The following ABCC1 variants were observed in gnomAD, a reference collection of about 807,000 sequenced individuals.
ABCC1 encodes the protein ATP binding cassette subfamily C member 1 (ABCC1 blood group).
Under a neutral mutation model 172.9 loss-of-function variants are expected in ABCC1, and 83 were observed. That is an observed-to-expected ratio of 0.48 (90% CI 0.40 to 0.58). ABCC1 has a LOEUF of 0.58. ABCC1 is among the 20% of genes least tolerant of loss of function. The probability of loss-of-function intolerance (pLI) is 0.00; values close to 1 mark genes in which losing one functional copy is unlikely to be tolerated. For missense variants in ABCC1, 1,817 were observed against 2,002.7 expected (o/e 0.91, Z 1.77); for synonymous variants, 937 against 825.2 (o/e 1.14, Z -2.32).
At chr16:16,104,576 G>A (rs1702894541) in intron 20 of ABCC1, among the ~76,000 whole-genome samples, 1 of 152,204 alleles carries the variant, frequency 6.6e-6, no homozygotes, top group Non-Finnish European at 1.5e-5. Flanking sequence ...CTCCAAGTCA[G>A]CACCAGACTC....
chr16:16,062,339 T>TTTTCTTTC (rs1303322004), intron 12 of ABCC1, among the ~76,000 whole-genome samples: 1 of 152,066 alleles, frequency 6.6e-6, no homozygotes, highest in Non-Finnish European at 1.5e-5. Context: ...TTCTTCTCTT[T>TTTTCTTTC]TTTCTTTCTT....
chr16:15,961,654 C>T (rs1471436539), intron 1 of ABCC1, among the ~76,000 whole-genome samples: 1 of 152,144 alleles, frequency 6.6e-6, no homozygotes, highest in Non-Finnish European at 1.5e-5. Context: ...CATTTTTTCC[C>T]TCCCTAGTTG....
Position 16,056,079 on chromosome 16 carries a change from C to T in ABCC1, c.1474-13C>T, listed in dbSNP as rs369815615. On this transcript the variant is annotated splice_polypyrimidine_tract_variant and intron_variant, in intron 11 of 30. Coordinates refer to ENST00000399410, the MANE Select transcript of ABCC1 (RefSeq NM_004996.4). The stretch of plus-strand genomic sequence containing the variant: ...GGTCGCCCCAGATGTGTTGACTGCC[C>T]GTCTCTTCCAAGGTGGCCCACATGA... The T allele has an allele frequency of 1.1e-5, 18 of 1,613,066 alleles. No individual in the cohort carries two copies. The highest frequency in any genetic ancestry group is 8.9e-5 in the East Asian group (4 of 44,866).
intron 7 of ABCC1, among the ~76,000 whole-genome samples, chr16:16,040,063 T>TA (rs34482500): frequency 0.067 from 9,302 of 139,718 alleles, 458 homozygotes; most frequent in East Asian, 0.27. Context: ...TGTTTGTTTG[T>TA]TTGTATGTAT....
intron 1 of ABCC1, among the ~76,000 whole-genome samples, chr16:15,965,118 C>A (rs1368266904): frequency 1.3e-5 from 2 of 152,264 alleles, no homozygotes; most frequent in African/African-American, 4.8e-5. Context: ...AGCTTGCATA[C>A]TGTCTCCTAT....
intron 27 of ABCC1, among the ~76,000 whole-genome samples, chr16:16,132,250 T>C (rs911239427): frequency 6.6e-6 from 1 of 151,958 alleles, no homozygotes; most frequent in Non-Finnish European, 1.5e-5. Context: ...AGTGCAGTGG[T>C]GTGATCTCAG....
In ABCC1 at chr16:16,122,235, G is replaced by GCCTCGATCTTTT; in HGVS notation, c.3590+67_3590+78dup. ...GGCCGCCTTAGCACCTTGTCTCTTT[G>GCCTCGATCTTTT]CCTCGATCTTTTCCTCGCACCTTGA... On this transcript the variant is annotated intron_variant, in intron 24 of 30. Transcript: ENST00000399410. 1.9e-6 allele frequency: 3 copies of GCCTCGATCTTTT among 1,578,752 alleles called. No individual in the cohort carries two copies. The South Asian group carries it at 3.3e-5, about 18-fold the overall frequency.
At chr16:16,047,956 C>T (rs1480823249) in intron 9 of ABCC1, among the ~76,000 whole-genome samples, 186 bp from the exon 10 acceptor site, 4 of 152,088 alleles carry the variant, frequency 2.6e-5, no homozygotes, top group African/African-American at 4.8e-5. Flanking sequence ...CTGAGCACCG[C>T]GGATAAGAAT....
intron 29 of ABCC1, 95 bp from the exon 30 acceptor site, chr16:16,138,269 A>T: frequency 8.4e-7 from 1 of 1,188,496 alleles, no homozygotes; most frequent in South Asian, 1.5e-5. Context: ...AGCAACATAG[A>T]GTGTCTCCTT....
chr16:15,952,939 C>T (rs1186113614), intron 1 of ABCC1, among the ~76,000 whole-genome samples: 1 of 150,262 alleles, frequency 6.7e-6, no homozygotes, highest in East Asian at 2.0e-4. Flanking sequence ...ACTAGGGAGG[C>T]TGAGGCACTA....
intron 1 of ABCC1, among the ~76,000 whole-genome samples, chr16:15,997,805 C>CTTTTTT (rs34346901): frequency 1.7e-5 from 2 of 116,818 alleles, no homozygotes; most frequent in Non-Finnish European, 3.5e-5. Flanking sequence ...GCCTCGATAC[C>CTTTTTT]TTTTTTTTTT....
chr16:16,087,544 G>A (rs1215252290), intron 18 of ABCC1, among the ~76,000 whole-genome samples: 8 of 152,020 alleles, frequency 5.3e-5, no homozygotes, highest in African/African-American at 1.4e-4. Context: ...TGCAACCTCC[G>A]CATCTCGGGT....
chr16:16,124,377 CTGTGTGTGTGTGTGTG>C (rs10673887), intron 24 of ABCC1, among the ~76,000 whole-genome samples: 2 of 44,902 alleles, frequency 4.5e-5, no homozygotes, highest in African/African-American at 6.3e-5. Context: ...CTACGCCCGG[CTGTGTGTGTGTGTGTG>C]TGTGTGTGTG....
chr16:16,036,418 C>A, intron 6 of ABCC1, 54 bp from the exon 7 acceptor site: 2 of 1,563,200 alleles, frequency 1.3e-6, no homozygotes, highest in Non-Finnish European at 1.7e-6. Flanking sequence ...CCCGTCCTCC[C>A]CCTCCTCCTG....
At chr16:16,137,441 C>T (rs2045957654) in intron 29 of ABCC1, among the ~76,000 whole-genome samples, 1 of 151,762 alleles carries the variant, frequency 6.6e-6, no homozygotes, top group Non-Finnish European at 1.5e-5. Context: ...TTTGGCTGTC[C>T]TTACTTTTGC....
intron 15 of ABCC1, among the ~76,000 whole-genome samples, chr16:16,077,611 C>T (rs2050630295): frequency 6.6e-6 from 1 of 152,178 alleles, no homozygotes; most frequent in East Asian, 1.9e-4. Flanking sequence ...CCCACTCAGG[C>T]CCCATAATCC....
intron 12 of ABCC1, chr16:16,056,498 C>A: frequency 1.6e-6 from 1 of 606,176 alleles, no homozygotes; most frequent in Non-Finnish European, 2.9e-6. Context: ...GAAACCCAGT[C>A]TCTACTAAAA....
chr16:16,026,464 CCTTTTTTT>C lies in ABCC1; in HGVS notation c.616-6644_616-6637del, dbSNP rs1279490271. Among the ~76,000 whole-genome samples, 39 of 102,296 alleles carry C rather than the reference CCTTTTTTT, an allele frequency of 3.8e-4. 2 individuals are homozygous for C. In the East Asian group the frequency reaches 3.8e-3, roughly 10 times the overall value. The allele number at this position is 102,296 out of a possible 152,430, so 67.1% of individuals were successfully genotyped here. ...AAAAAAAAAAAAAAAAAGGCTATTT[CCTTTTTTT>C]TTTTTTTTTTTTTTTTGCCAGTGAA... On this transcript the variant is annotated intron_variant, in intron 5 of 30. Transcript: ENST00000399410.
chr16:16,119,509 G>A (rs2045057031), intron 23 of ABCC1, among the ~76,000 whole-genome samples: 1 of 152,016 alleles, frequency 6.6e-6, no homozygotes, highest in Non-Finnish European at 1.5e-5. Flanking sequence ...TGGCCAACAT[G>A]GTGAAACCCC....
Sources: gnomAD v4.1 joint callset for allele counts (sites outside exome capture counted in the v4.1 genomes callset) on GRCh38, gnomAD v4.1.1 for gene constraint, MANE v1.5 for transcripts, NCBI Gene and HGNC (gene_info 2026-07-23, HGNC 2026-07-21) for gene names.